The following BMERB1 variants were observed in gnomAD, a reference collection of about 807,000 sequenced individuals.
BMERB1 encodes the protein bMERB domain containing 1.
In BMERB1, 12 loss-of-function variants were observed where a neutral mutation model predicts 23.6. The observed-to-expected ratio is 0.51, with a 90% CI of 0.33 to 0.82. The LOEUF (loss-of-function observed/expected upper bound fraction) is 0.82. BMERB1 is among the 40% of genes least tolerant of loss of function. The pLI, the probability that BMERB1 is intolerant of heterozygous loss-of-function variation, is 0.03. For missense variants in BMERB1, 247 were observed against 255.4 expected (o/e 0.97, Z 0.22); for synonymous variants, 122 against 96.6 (o/e 1.26, Z -1.54).
At chr16:15,493,135 C>T (rs1473573694) in intron 1 of BMERB1, among the ~76,000 whole-genome samples, 6 of 152,078 alleles carry the variant, frequency 3.9e-5, no homozygotes, top group Non-Finnish European at 8.8e-5. Flanking sequence ...GGCAGATCAC[C>T]TGAGTTCAGG....
At chr16:15,440,334 G>T (rs1166627367) in intron 1 of BMERB1, among the ~76,000 whole-genome samples, 1 of 151,234 alleles carries the variant, frequency 6.6e-6, no homozygotes, top group Admixed American at 6.6e-5. Flanking sequence ...GAAGTAGAGA[G>T]CTCAAACTGC....
intron 3 of BMERB1, among the ~76,000 whole-genome samples, chr16:15,579,473 T>G (rs1337268890): frequency 6.6e-6 from 1 of 152,132 alleles, no homozygotes; most frequent in Non-Finnish European, 1.5e-5. Context: ...TTCTGTCCTA[T>G]CCAAATATTA....
In BMERB1 at chr16:15,568,052, C is replaced by A; in HGVS notation, c.300C>A (p.Ile100=). 6.2e-7 allele frequency: 1 copy of A among 1,613,884 alleles called. No homozygotes were observed. The highest frequency in any genetic ancestry group is 8.5e-7 in the Non-Finnish European group (1 of 1,179,868). The change falls in exon 3 of 6, where the codon ATC becomes ATA. Residue 100 remains isoleucine, a synonymous_variant. Coordinates refer to ENST00000300006, the MANE Select transcript of BMERB1 (RefSeq NM_033201.3). ...LKQELQNLVA[I]PEKEKTKLQK... is the part of the protein sequence containing the mutation. ...AGGAGCTGCAGAACTTGGTCGCCAT[C>A]CCAGGTAACCATTTGCAACTTCACC...
chr16:15,500,550 G>A (rs1044381810), intron 1 of BMERB1, among the ~76,000 whole-genome samples: 21 of 152,140 alleles, frequency 1.4e-4, no homozygotes, highest in African/African-American at 5.1e-4. Flanking sequence ...AGGTATCAGG[G>A]AGAAAAGAAA....
At position 15,455,849 on chromosome 16, in the gene BMERB1, T is replaced by A. The variant is rs368564756; in HGVS notation, c.106+21090T>A. On this transcript the variant is annotated intron_variant, in intron 1 of 5. Coordinates refer to ENST00000300006, the MANE Select transcript of BMERB1 (RefSeq NM_033201.3). ...CTACAGTAGCAAGGCATTTAACCTG[T>A]ACTCGGAAGCCAGGAAACCTTGGCC... is the stretch of plus-strand genomic sequence containing the variant. Among the ~76,000 whole-genome samples, 6 of 152,314 alleles carry A rather than the reference T, an allele frequency of 3.9e-5. No homozygotes were observed. The East Asian group carries it at 9.6e-4, about 24-fold the overall frequency.
At chr16:15,461,492 A>G (rs1400291839) in intron 1 of BMERB1, among the ~76,000 whole-genome samples, 3 of 152,168 alleles carry the variant, frequency 2.0e-5, no homozygotes, top group Non-Finnish European at 2.9e-5. Context: ...CCCAAAGCAC[A>G]GTGCTAAGAG....
chr16:15,541,327 T>G (rs2052076814), intron 2 of BMERB1, among the ~76,000 whole-genome samples: 1 of 151,902 alleles, frequency 6.6e-6, no homozygotes. Context: ...AGAGGCTCCC[T>G]GGATCTCACT....
chr16:15,574,288 G>T (rs1189672335), intron 3 of BMERB1, among the ~76,000 whole-genome samples: 1 of 152,136 alleles, frequency 6.6e-6, no homozygotes, highest in East Asian at 1.9e-4. Context: ...ACCTCCACCT[G>T]GTCTCTCCTT....
rs528047137 is a variant in BMERB1, at chr16:15,552,285, C to T, written c.231-15698C>T. ...TGAAACCCCGTCTCTACTGAAAATACAAAAATTAGCAGGGTATGGTGGTGT... is the reference window on the plus strand; with the variant it reads ...TGAAACCCCGTCTCTACTGAAAATATAAAAATTAGCAGGGTATGGTGGTGT... On this transcript the variant is annotated intron_variant, in intron 2 of 5. Coordinates refer to ENST00000300006, the MANE Select transcript of BMERB1 (RefSeq NM_033201.3). 5.1e-4 allele frequency among the ~76,000 whole-genome samples: 77 copies of T among 152,094 alleles called. 1 individual carries two copies. In the South Asian group the frequency reaches 6.4e-3, roughly 13 times the overall value.
Position 15,448,827 on chromosome 16 carries a change from G to C in BMERB1, c.106+14068G>C, listed in dbSNP as rs971802935. ...GAAAAAACAAAGAGTTGTTCCTGAT[G>C]CTGCCGTGAGATTAGCATCCTCGCC... On this transcript the variant is annotated intron_variant, in intron 1 of 5. Coordinates refer to ENST00000300006, the MANE Select transcript of BMERB1 (RefSeq NM_033201.3). Among the ~76,000 whole-genome samples, 7 of 152,054 alleles carry C rather than the reference G, an allele frequency of 4.6e-5. 1 individual carries two copies. The highest frequency in any genetic ancestry group is 1.7e-4 in the African/African-American group (7 of 41,414).
rs545015792 is a variant in BMERB1 at position 15,541,039 on chromosome 16, G to A, written c.230+25611G>A. 5.2e-4 allele frequency among the ~76,000 whole-genome samples: 79 copies of A among 151,978 alleles called. 2 individuals are homozygous for A. In the South Asian group the frequency reaches 0.013, roughly 25 times the overall value. ...ACTGCCCCTATCTCAGATGCCAGTC[G>A]CAAGTCCGGAGCCACCCACCCTTCT... On this transcript the variant is annotated intron_variant, in intron 2 of 5. Coordinates refer to ENST00000300006, the MANE Select transcript of BMERB1 (RefSeq NM_033201.3).
intron 1 of BMERB1, among the ~76,000 whole-genome samples, chr16:15,481,651 C>A (rs888162631): frequency 6.6e-6 from 1 of 151,932 alleles, no homozygotes; most frequent in Non-Finnish European, 1.5e-5. Context: ...AAACCTACTT[C>A]TAGATTGTCT....
At chr16:15,483,007 T>G (rs2051336589) in intron 1 of BMERB1, among the ~76,000 whole-genome samples, 1 of 152,184 alleles carries the variant, frequency 6.6e-6, no homozygotes, top group Non-Finnish European at 1.5e-5. Context: ...CCCGCCAAAG[T>G]CAACCAACAT....
intron 1 of BMERB1, among the ~76,000 whole-genome samples, chr16:15,499,847 C>T (rs1228766013): frequency 6.6e-6 from 1 of 152,162 alleles, no homozygotes; most frequent in East Asian, 1.9e-4. Flanking sequence ...TTCTTCAGCT[C>T]ATCAAAGACC....
chr16:15,468,121 C>A (rs372555443), intron 1 of BMERB1, among the ~76,000 whole-genome samples: 6 of 84,040 alleles, frequency 7.1e-5, no homozygotes, highest in African/African-American at 2.5e-4. Flanking sequence ...TCTTTTCTTT[C>A]TTTCTTTCTT....
At chr16:15,549,423 G>A (rs530329443) in intron 2 of BMERB1, among the ~76,000 whole-genome samples, 2 of 152,050 alleles carry the variant, frequency 1.3e-5, no homozygotes, top group South Asian at 4.2e-4. Context: ...GCTCACGCCT[G>A]TAATCCCAGC....
intron 2 of BMERB1, among the ~76,000 whole-genome samples, chr16:15,553,190 T>G (rs2030145988): frequency 6.6e-6 from 1 of 152,206 alleles, no homozygotes; most frequent in African/African-American, 2.4e-5. Flanking sequence ...GTATTTTTAG[T>G]AGAGATGGAG....
At chr16:15,578,474 A>G (rs879693701) in intron 3 of BMERB1, among the ~76,000 whole-genome samples, 2 of 152,106 alleles carry the variant, frequency 1.3e-5, no homozygotes, top group Non-Finnish European at 2.9e-5. Context: ...GCAACTTACA[A>G]ATTACTTTGG....
At chr16:15,480,602 CTGTCTTTTT>C (rs2051311280) in intron 1 of BMERB1, among the ~76,000 whole-genome samples, 2 of 130,538 alleles carry the variant, frequency 1.5e-5, no homozygotes, top group African/African-American at 2.7e-5. Context: ...GCCAATTCCA[CTGTCTTTTT>C]TTTTTTTTTT....
Sources: allele counts gnomAD v4.1 joint callset (sites outside exome capture counted in the v4.1 genomes callset), GRCh38; gene constraint gnomAD v4.1.1; transcripts MANE v1.5; gene names NCBI Gene and HGNC (gene_info 2026-07-23, HGNC 2026-07-21).